PRPF39: variants seen among roughly 807,000 people sequenced by gnomAD.
The protein encoded by PRPF39 is pre-mRNA processing factor 39.
Under a neutral mutation model 82.1 loss-of-function variants are expected in PRPF39, and 27 were observed. The observed-to-expected ratio is 0.33, with a 90% CI of 0.24 to 0.45. The LOEUF (loss-of-function observed/expected upper bound fraction) is 0.45, where lower values mean the gene tolerates loss of function less well. PRPF39 is among the 20% of genes least tolerant of loss of function. PRPF39 has a pLI of 1.00. For missense variants in PRPF39, 581 were observed against 796.9 expected (o/e 0.73, Z 3.26); for synonymous variants, 261 against 256.4 (o/e 1.02, Z -0.17).
rs146267685 is a variant in PRPF39 at position 45,090,394 on chromosome 14, T to G, written c.-19-4827T>G. On this transcript the variant is annotated intron_variant, in intron 1 of 13. Coordinates refer to ENST00000355765, the MANE Select transcript of PRPF39 (RefSeq NM_017922.4). Reference sequence around the variant, plus strand: ...CTAGATTTGCTTTTTCTGTAATTTTTTCTCAAATTCTTTTGTCCATAATAT... The same window carrying G: ...CTAGATTTGCTTTTTCTGTAATTTTGTCTCAAATTCTTTTGTCCATAATAT... Among the ~76,000 whole-genome samples the G allele has an allele frequency of 3.9e-3, 594 of 152,296 alleles. 11 individuals are homozygous for G. Among genetic ancestry groups the G allele is most frequent in the African/African-American group, 0.014 (572 of 41,556 alleles).
At position 45,110,976 on chromosome 14, in the gene PRPF39, A is replaced by AT. The variant is rs1168256672; in HGVS notation, c.1572+166dup. ...TCTAAACTGATGTTGCCATTTAAAA[A>AT]TTTTTTTCAAATTGTTTTGAATTAA... On this transcript the variant is annotated intron_variant, in intron 10 of 13. Coordinates refer to ENST00000355765, the MANE Select transcript of PRPF39 (RefSeq NM_017922.4). This position sits in a 1 kb window ranked among gnomAD's most constrained non-coding sequence, Gnocchi z 4.0. The AT allele has an allele frequency of 2.7e-6, 2 of 729,296 alleles. No individual in the cohort carries two copies. Among genetic ancestry groups the AT allele is most frequent in the South Asian group, 2.2e-5 (1 of 44,464 alleles). 45.2% of individuals were successfully genotyped at this position (729,296 alleles called of 1,614,324 possible). A position where few individuals can be genotyped will look rare whatever the true frequency, so the allele number is the denominator to read the frequency against.
rs953609740 is a variant in PRPF39 at position 45,115,314 on chromosome 14, A to G, written c.*401A>G. The G allele has an allele frequency of 2.0e-5, 3 of 151,814 alleles. No individual in the cohort carries two copies. Among genetic ancestry groups the G allele is most frequent in the African/African-American group, 7.3e-5 (3 of 41,092 alleles). 9.4% of individuals were successfully genotyped at this position (151,814 alleles called of 1,614,324 possible). ...TCCTTTTTTTTTTTTTTTTTTAAAGAAAAAAGGACTTTTAACCTTTGCTGA... is the reference window on the plus strand; with the variant it reads ...TCCTTTTTTTTTTTTTTTTTTAAAGGAAAAAGGACTTTTAACCTTTGCTGA... On this transcript the variant is annotated 3_prime_UTR_variant, in exon 14 of 14. Transcript: ENST00000355765.
chr14:45,109,806 T>A, intron 8 of PRPF39, 26 bp downstream of exon 8: 1 of 1,564,250 alleles, frequency 6.4e-7, no homozygotes, highest in African/African-American at 1.4e-5. Flanking sequence ...GCTCTTAAAC[T>A]TGAATATATT....
chr14:45,088,165 G>A (rs979671708), intron 1 of PRPF39: 1 of 155,452 alleles, frequency 6.4e-6, no homozygotes, highest in African/African-American at 2.4e-5. Context: ...GAATGCTGTT[G>A]GGGCATGATT....
At chr14:45,091,465 A>G (rs1024694729) in intron 1 of PRPF39, among the ~76,000 whole-genome samples, 1 of 152,186 alleles carries the variant, frequency 6.6e-6, no homozygotes, top group Admixed American at 6.5e-5. Context: ...AATGATGGAA[A>G]TGTTTTAGAA....
intron 1 of PRPF39, among the ~76,000 whole-genome samples, chr14:45,094,184 T>A (rs1410967746): frequency 6.6e-6 from 1 of 152,142 alleles, no homozygotes; most frequent in South Asian, 2.1e-4. Flanking sequence ...CTGCTTAATT[T>A]TGAGAATAAT....
chr14:45,106,354 A>G (rs1470394230), intron 5 of PRPF39, among the ~76,000 whole-genome samples: 1 of 152,158 alleles, frequency 6.6e-6, no homozygotes, highest in Non-Finnish European at 1.5e-5. Context: ...ATCTCACACA[A>G]GAAAATAAAG....
At chr14:45,089,885 AATC>A (rs1406986725) in intron 1 of PRPF39, among the ~76,000 whole-genome samples, 2 of 152,250 alleles carry the variant, frequency 1.3e-5, no homozygotes, top group Non-Finnish European at 2.9e-5. Flanking sequence ...TTTGTGAAGT[AATC>A]ATCAAAATGA....
intron 1 of PRPF39, among the ~76,000 whole-genome samples, chr14:45,091,052 CTTTT>C (rs1279992436): frequency 3.4e-5 from 5 of 148,766 alleles, no homozygotes; most frequent in Non-Finnish European, 5.9e-5. Flanking sequence ...TTTGTTCTTT[CTTTT>C]TCTTTTTCCT....
intron 5 of PRPF39, among the ~76,000 whole-genome samples, chr14:45,102,943 CAG>C (rs1475338176): frequency 1.3e-5 from 2 of 151,994 alleles, no homozygotes; most frequent in African/African-American, 4.8e-5. Flanking sequence ...TAAAGAGAAA[CAG>C]GAATTCTGTC....
At chr14:45,104,237 A>G (rs886799817) in intron 5 of PRPF39, among the ~76,000 whole-genome samples, 4 of 152,158 alleles carry the variant, frequency 2.6e-5, no homozygotes, top group African/African-American at 9.7e-5. Context: ...TTAAAAATGC[A>G]TATATACTTA....
chr14:45,091,088 C>G (rs569612324), intron 1 of PRPF39, among the ~76,000 whole-genome samples: 1 of 151,784 alleles, frequency 6.6e-6, no homozygotes, highest in East Asian at 1.9e-4. Context: ...GAATCTTGCT[C>G]TGTCTCCCAG....
intron 3 of PRPF39, 116 bp downstream of exon 3, chr14:45,096,344 A>T: frequency 6.6e-7 from 1 of 1,521,412 alleles, no homozygotes; most frequent in Non-Finnish European, 8.8e-7. Context: ...ATTTATGGTC[A>T]AACAATTTTT....
intron 6 of PRPF39, 59 bp downstream of exon 6, chr14:45,107,675 T>A (rs1195051205): frequency 2.0e-6 from 3 of 1,488,722 alleles, no homozygotes; most frequent in Middle Eastern, 1.7e-4. Flanking sequence ...ATGCCTGTAA[T>A]CGCAGCACTT....
At chr14:45,114,728 G>A (rs1884790768) in intron 13 of PRPF39, 114 bp downstream of exon 13, 1 of 1,399,502 alleles carries the variant, frequency 7.1e-7, no homozygotes, top group Non-Finnish European at 9.8e-7. Context: ...ATTCTTTGGT[G>A]GTTAAGTACT....
intron 6 of PRPF39, 36 bp downstream of exon 6, chr14:45,107,652 G>A (rs1884575812): frequency 1.3e-6 from 2 of 1,534,578 alleles, no homozygotes; most frequent in Non-Finnish European, 1.8e-6. Context: ...TCAGTGGCCA[G>A]GTATGGTGGC....
At chr14:45,089,835 C>T (rs925871973) in intron 1 of PRPF39, among the ~76,000 whole-genome samples, 1 of 152,156 alleles carries the variant, frequency 6.6e-6, no homozygotes, top group Non-Finnish European at 1.5e-5. Context: ...TGGAGTAACT[C>T]ATTAAAAAAT....
intron 10 of PRPF39, among the ~76,000 whole-genome samples, chr14:45,112,058 T>C (rs372935494): frequency 2.6e-5 from 4 of 152,324 alleles, no homozygotes; most frequent in African/African-American, 7.2e-5. Context: ...AGATAGGCTA[T>C]AGAGTTTTAA....
intron 1 of PRPF39, among the ~76,000 whole-genome samples, chr14:45,090,755 G>T (rs1433428302): frequency 6.6e-6 from 1 of 152,014 alleles, no homozygotes; most frequent in African/African-American, 2.4e-5. Context: ...TATGTGTTGT[G>T]TGTTAGCTCT....
Sources: gnomAD v4.1 joint callset for allele counts (sites outside exome capture counted in the v4.1 genomes callset) on GRCh38, gnomAD v4.1.1 for gene constraint, Gnocchi (gnomAD v3.1) non-coding constraint, MANE v1.5 for transcripts, NCBI Gene and HGNC (gene_info 2026-07-23, HGNC 2026-07-21) for gene names.